CSMD3: variants seen among roughly 807,000 people sequenced by gnomAD.
CSMD3 encodes the protein CUB and Sushi multiple domains 3.
A neutral mutation model predicts 435.2 loss-of-function variants in CSMD3; 177 were observed. The ratio of observed to expected loss-of-function variants is 0.41; its 90% CI spans 0.36 to 0.46. The LOEUF (loss-of-function observed/expected upper bound fraction) is 0.46. Among genes scored for constraint, CSMD3 ranks in the 20% least tolerant of loss-of-function variants. The probability of loss-of-function intolerance (pLI) is 0.34; values close to 1 mark genes in which losing one functional copy is unlikely to be tolerated. For missense variants in CSMD3, 4,265 were observed against 4,504.6 expected (o/e 0.95, Z 1.52); for synonymous variants, 1,656 against 1,520.5 (o/e 1.09, Z -2.07).
At position 113,079,891 on chromosome 8, in the gene CSMD3, A is replaced by G. The variant is rs950129952; in HGVS notation, c.917+18865T>C. Among the ~76,000 whole-genome samples the G allele has an allele frequency of 8.8e-4, 134 of 152,192 alleles. 2 individuals are homozygous for G. Among genetic ancestry groups the G allele is most frequent in the Non-Finnish European group, 1.6e-4 (11 of 68,008 alleles). ...CGCAAAGTCATATAAGCAAGATGTT[A>G]AAGTCGTTTTCAACTTATAATACAT... On this transcript the variant is annotated intron_variant, in intron 5 of 70. Transcript: ENST00000297405.
intron 5 of CSMD3, among the ~76,000 whole-genome samples, chr8:113,037,661 C>T (rs748143357): frequency 1.7e-4 from 26 of 151,616 alleles, no homozygotes; most frequent in Non-Finnish European, 2.9e-4. Flanking sequence ...CTATAATTAG[C>T]TTTTTTGCTG....
intron 40 of CSMD3, among the ~76,000 whole-genome samples, chr8:112,347,195 T>C (rs1008072594): frequency 2.0e-5 from 3 of 152,182 alleles, no homozygotes; most frequent in African/African-American, 7.2e-5. Flanking sequence ...GCAAAAGCTC[T>C]AAGACCAGAA....
intron 30 of CSMD3, among the ~76,000 whole-genome samples, chr8:112,495,102 A>G (rs1170327945): frequency 6.6e-6 from 1 of 152,214 alleles, no homozygotes; most frequent in Admixed American, 6.5e-5. Context: ...GTCACTAAGA[A>G]TGGGCATTTA....
intron 16 of CSMD3, among the ~76,000 whole-genome samples, chr8:112,675,683 C>G (rs1018246559): frequency 6.6e-6 from 1 of 152,070 alleles, no homozygotes; most frequent in Non-Finnish European, 1.5e-5. Context: ...TCAGTATCTG[C>G]ATGGGATCTG....
chr8:113,302,647 C>A (rs1001427461), intron 2 of CSMD3, among the ~76,000 whole-genome samples: 2 of 151,856 alleles, frequency 1.3e-5, no homozygotes, highest in Non-Finnish European at 2.9e-5. Flanking sequence ...TGCCATTTTA[C>A]TGATGAGAAA....
chr8:112,491,635 C>T (rs552832378), intron 31 of CSMD3, among the ~76,000 whole-genome samples: 1 of 152,174 alleles, frequency 6.6e-6, no homozygotes, highest in African/African-American at 2.4e-5. Flanking sequence ...AGCAGCAGAG[C>T]CAGACTCCAC....
chr8:112,533,918 T>A (rs1449209334), intron 27 of CSMD3, among the ~76,000 whole-genome samples: 2 of 152,044 alleles, frequency 1.3e-5, no homozygotes, highest in Non-Finnish European at 2.9e-5. Context: ...TCATCTTTTC[T>A]GACTATAATG....
chr8:112,376,430 A>C (rs1828946924), intron 38 of CSMD3, among the ~76,000 whole-genome samples: 1 of 152,214 alleles, frequency 6.6e-6, no homozygotes, highest in African/African-American at 2.4e-5. Flanking sequence ...CTGAAAAGTA[A>C]ACTTCATTAT....
chr8:113,185,291 A>G (rs972850766), intron 3 of CSMD3, among the ~76,000 whole-genome samples: 2 of 152,010 alleles, frequency 1.3e-5, no homozygotes, highest in African/African-American at 4.8e-5. Context: ...AGGACCACTT[A>G]CCAAGTAAGG....
At chr8:112,361,134 C>T (rs1827162745) in intron 38 of CSMD3, among the ~76,000 whole-genome samples, 1 of 151,770 alleles carries the variant, frequency 6.6e-6, no homozygotes, top group African/African-American at 2.4e-5. Flanking sequence ...GGCTAGTTTC[C>T]TGCTTAACAA....
intron 19 of CSMD3, among the ~76,000 whole-genome samples, chr8:112,647,302 CTT>C (rs35978527): frequency 1.6e-3 from 213 of 137,114 alleles, no homozygotes; most frequent in African/African-American, 5.4e-3. Flanking sequence ...TTTCAAATCA[CTT>C]TTTTTTTTTT....
intron 1 of CSMD3, among the ~76,000 whole-genome samples, chr8:113,317,118 T>C (rs576022713): frequency 6.6e-6 from 1 of 152,272 alleles, no homozygotes; most frequent in East Asian, 1.9e-4. Flanking sequence ...AAATCAATAT[T>C]TGTGTATATT....
intron 7 of CSMD3, among the ~76,000 whole-genome samples, chr8:112,960,598 A>G (rs2084190642): frequency 6.6e-6 from 1 of 151,802 alleles, no homozygotes; most frequent in South Asian, 2.1e-4. Flanking sequence ...TTTAAAATAA[A>G]TGAAGATAAA....
intron 18 of CSMD3, among the ~76,000 whole-genome samples, chr8:112,650,667 A>G (rs1158625483): frequency 2.0e-5 from 3 of 152,292 alleles, no homozygotes; most frequent in African/African-American, 7.2e-5. Flanking sequence ...CATTTCTTGA[A>G]CTTATTATAT....
intron 5 of CSMD3, among the ~76,000 whole-genome samples, chr8:113,049,794 T>C (rs1029494297): frequency 1.2e-4 from 18 of 152,210 alleles, no homozygotes; most frequent in Non-Finnish European, 2.6e-4. Context: ...TTATAATTCA[T>C]ATAAATATTG....
chr8:113,357,981 G>C (rs1224210320), intron 1 of CSMD3, among the ~76,000 whole-genome samples: 1 of 152,118 alleles, frequency 6.6e-6, no homozygotes, highest in Non-Finnish European at 1.5e-5. Context: ...GTCTCAGGTA[G>C]TTCTTTATAG....
intron 10 of CSMD3, among the ~76,000 whole-genome samples, chr8:112,889,706 CA>C (rs1445163820): frequency 6.6e-6 from 1 of 151,314 alleles, no homozygotes; most frequent in East Asian, 2.0e-4. Flanking sequence ...TGGGATTCTT[CA>C]AAAGAAAAAA....
intron 11 of CSMD3, among the ~76,000 whole-genome samples, chr8:112,852,596 C>G (rs2080522885): frequency 6.6e-6 from 1 of 151,972 alleles, no homozygotes; most frequent in African/African-American, 2.4e-5. Flanking sequence ...ATGGGACACT[C>G]ACACGAGATA....
intron 4 of CSMD3, among the ~76,000 whole-genome samples, chr8:113,120,847 A>G (rs2090965472): frequency 6.6e-6 from 1 of 152,144 alleles, no homozygotes; most frequent in Non-Finnish European, 1.5e-5. Flanking sequence ...GCCTTTTTGG[A>G]TAATATTTAT....
Sources: allele counts gnomAD v4.1 joint callset (sites outside exome capture counted in the v4.1 genomes callset), GRCh38; gene constraint gnomAD v4.1.1; transcripts MANE v1.5; gene names NCBI Gene and HGNC (gene_info 2026-07-23, HGNC 2026-07-21).